The following NDUFS4 variants were observed in gnomAD, a reference collection of about 807,000 sequenced individuals.
NDUFS4 encodes NADH:ubiquinone oxidoreductase subunit S4.
NDUFS4 carries 28 observed loss-of-function variants against 24.3 expected under a neutral mutation model. That is an observed-to-expected ratio of 1.15 (90% confidence interval 0.85 to 1.58). The LOEUF is 1.58. Ranked by LOEUF, NDUFS4 falls within the 40% of genes most tolerant of loss-of-function variation. The probability of loss-of-function intolerance (pLI) is 0.00; values close to 1 mark genes in which losing one functional copy is unlikely to be tolerated. For missense variants in NDUFS4, 223 were observed against 207.9 expected (o/e 1.07, Z -0.45); for synonymous variants, 93 against 69.7 (o/e 1.34, Z -1.67).
chr5:53,665,796 T>G (rs573998713), intron 4 of NDUFS4, among the ~76,000 whole-genome samples: 69 of 152,336 alleles, frequency 4.5e-4, no homozygotes, highest in Non-Finnish European at 9.1e-4. Context: ...TGCCTCGCCC[T>G]GCTTGGGCTC....
intron 2 of NDUFS4, among the ~76,000 whole-genome samples, chr5:53,634,522 G>A (rs1414020262): frequency 1.3e-5 from 2 of 152,130 alleles, no homozygotes; most frequent in African/African-American, 4.8e-5. Context: ...AGGAGATGAA[G>A]AGTACTGTTT....
intron 2 of NDUFS4, among the ~76,000 whole-genome samples, chr5:53,642,415 G>A (rs1267701537): frequency 1.3e-5 from 2 of 151,978 alleles, no homozygotes; most frequent in Non-Finnish European, 2.9e-5. Flanking sequence ...CAAATCAACC[G>A]GCAGATGACG....
intron 4 of NDUFS4, among the ~76,000 whole-genome samples, chr5:53,678,674 T>A (rs903156666): frequency 1.1e-4 from 16 of 152,128 alleles, no homozygotes; most frequent in South Asian, 2.1e-4. Flanking sequence ...TTAAAAAAAA[T>A]TATTTTAGGG....
chr5:53,653,925 T>C (rs1752090668), intron 3 of NDUFS4, among the ~76,000 whole-genome samples: 1 of 152,178 alleles, frequency 6.6e-6, no homozygotes, highest in Non-Finnish European at 1.5e-5. Context: ...AGCCACATTA[T>C]GTACTGTCTC....
intron 2 of NDUFS4, among the ~76,000 whole-genome samples, chr5:53,608,565 A>C (rs572218707): frequency 2.6e-4 from 40 of 152,342 alleles, no homozygotes; most frequent in African/African-American, 9.6e-4. Flanking sequence ...CAACGTTCAC[A>C]GTCTTTATCA....
intron 1 of NDUFS4, among the ~76,000 whole-genome samples, chr5:53,576,624 G>A (rs1012039427): frequency 6.8e-6 from 1 of 148,060 alleles, no homozygotes; most frequent in African/African-American, 2.5e-5. Context: ...CACACTAAGG[G>A]TTTACAAAAA....
chr5:53,612,532 G>A (rs1374569632), intron 2 of NDUFS4, among the ~76,000 whole-genome samples: 2 of 151,978 alleles, frequency 1.3e-5, no homozygotes, highest in African/African-American at 2.4e-5. Context: ...GACATTTTTA[G>A]CACTCTAATA....
chr5:53,632,858 G>A (rs367978251), intron 2 of NDUFS4, among the ~76,000 whole-genome samples: 1 of 152,248 alleles, frequency 6.6e-6, no homozygotes, highest in East Asian at 1.9e-4. Context: ...ACTACACTGT[G>A]ACAATTCTTT....
At chr5:53,668,637 TTAAAG>T (rs1187302003) in intron 4 of NDUFS4, among the ~76,000 whole-genome samples, 55 of 145,904 alleles carry the variant, frequency 3.8e-4, no homozygotes, top group Non-Finnish European at 7.1e-4. Context: ...TTTTTTTTTT[TTAAAG>T]TAGAGACAGG....
chr5:53,607,016 T>C (rs1014505752), intron 2 of NDUFS4, among the ~76,000 whole-genome samples: 5 of 152,212 alleles, frequency 3.3e-5, no homozygotes, highest in African/African-American at 1.2e-4. Context: ...AATACAACCA[T>C]ACTTTTTCTT....
At chr5:53,629,398 C>T (rs559003071) in intron 2 of NDUFS4, among the ~76,000 whole-genome samples, 2 of 152,216 alleles carry the variant, frequency 1.3e-5, no homozygotes, top group African/African-American at 4.8e-5. Flanking sequence ...ATTAGGTCTG[C>T]TCGGTGCAGA....
intron 4 of NDUFS4, among the ~76,000 whole-genome samples, chr5:53,661,477 A>G (rs1019252216): frequency 2.6e-5 from 4 of 152,232 alleles, no homozygotes; most frequent in Non-Finnish European, 5.9e-5. Context: ...TTGACTTGGC[A>G]ATGCGGGCTC....
At chr5:53,618,285 A>G (rs1275888380) in intron 2 of NDUFS4, among the ~76,000 whole-genome samples, 1 of 152,004 alleles carries the variant, frequency 6.6e-6, no homozygotes, top group Non-Finnish European at 1.5e-5. Flanking sequence ...CAAAATAAAT[A>G]AATAAATAAC....
At chr5:53,645,239 T>C (rs750909044) in intron 2 of NDUFS4, among the ~76,000 whole-genome samples, 43 of 152,146 alleles carry the variant, frequency 2.8e-4, no homozygotes, top group Non-Finnish European at 1.3e-4. Flanking sequence ...TGATTTACTT[T>C]GATCAGATAA....
chr5:53,654,035 T>C (rs945731066), intron 3 of NDUFS4, among the ~76,000 whole-genome samples: 1 of 152,172 alleles, frequency 6.6e-6, no homozygotes. Flanking sequence ...AATTTCTCTT[T>C]CTTGCCTTGT....
chr5:53,577,928 A>G (rs1465617879), intron 1 of NDUFS4, among the ~76,000 whole-genome samples: 4 of 152,196 alleles, frequency 2.6e-5, no homozygotes, highest in Non-Finnish European at 4.4e-5. Context: ...TAGATGATCT[A>G]ATTCTCCAGA....
At chr5:53,623,896 C>A (rs931557218) in intron 2 of NDUFS4, among the ~76,000 whole-genome samples, 1 of 151,884 alleles carries the variant, frequency 6.6e-6, no homozygotes, top group African/African-American at 2.4e-5. Context: ...TTTTTGTATT[C>A]TTAGTAGAGA....
At chr5:53,607,529 G>A (rs538025694) in intron 2 of NDUFS4, among the ~76,000 whole-genome samples, 19 of 152,202 alleles carry the variant, frequency 1.2e-4, no homozygotes, top group Middle Eastern at 3.4e-3. Flanking sequence ...TGACACTAAC[G>A]GATGTGATTT....
At chr5:53,676,235 A>C (rs1404770031) in intron 4 of NDUFS4, among the ~76,000 whole-genome samples, 2 of 152,144 alleles carry the variant, frequency 1.3e-5, no homozygotes, top group Non-Finnish European at 2.9e-5. Context: ...AATCTATGAG[A>C]GAGGACAGAC....
Sources: allele counts gnomAD v4.1 joint callset (sites outside exome capture counted in the v4.1 genomes callset), GRCh38; gene constraint gnomAD v4.1.1; transcripts MANE v1.5; gene names NCBI Gene and HGNC (gene_info 2026-07-23, HGNC 2026-07-21).